The following NPHS2 variants were observed in gnomAD, a reference collection of about 807,000 sequenced individuals.
NPHS2 encodes the protein NPHS2 stomatin family member, podocin.
In NPHS2, 36 loss-of-function variants were observed where a neutral mutation model predicts 37.1. That is an observed-to-expected ratio of 0.97 (90% confidence interval 0.74 to 1.28). NPHS2 has a LOEUF of 1.28. Ranked by LOEUF, NPHS2 falls within the 50% of genes most tolerant of loss-of-function variation. The pLI is 0.00. For synonymous variants in NPHS2, 196 were observed against 189.3 expected (o/e 1.04, Z -0.29); for missense variants, 447 against 488.1 (o/e 0.92, Z 0.79).
At chr1:179,557,354 C>T in intron 4 of NPHS2, 124 bp from the exon 5 acceptor site, 1 of 754,080 alleles carries the variant, frequency 1.3e-6, no homozygotes, top group Non-Finnish European at 2.3e-6. Context: ...TTGGCCTACC[C>T]TTTATTTAAA....
intron 5 of NPHS2, among the ~76,000 whole-genome samples, chr1:179,555,401 G>A (rs1189531334): frequency 2.0e-5 from 3 of 151,906 alleles, no homozygotes; most frequent in African/African-American, 7.2e-5. Flanking sequence ...CTTGATTGAA[G>A]TTGGAAACAG....
rs766715939 is a variant in NPHS2 at position 179,551,251 on chromosome 1, C to CTGA, written c.1071_1073dup (p.Thr357_Gln358insHis). On this transcript the variant is annotated inframe_insertion, in exon 8 of 8. Coordinates refer to ENST00000367615, the MANE Select transcript of NPHS2 (RefSeq NM_014625.4). ...AAGGACTTGGGAAGGGGAGGCTTCC[C>CTGA]TGAGTTCTGTTGCTGGGAGAAGACA... is the stretch of plus-strand genomic sequence containing the variant. The CTGA allele has an allele frequency of 1.1e-5, 17 of 1,613,946 alleles. No homozygotes were observed. The highest frequency in any genetic ancestry group is 1.4e-5 in the Non-Finnish European group (16 of 1,180,006).
chr1:179,570,015 T>C (rs531171795), intron 1 of NPHS2, among the ~76,000 whole-genome samples: 11 of 152,320 alleles, frequency 7.2e-5, no homozygotes, highest in Admixed American at 5.9e-4. Flanking sequence ...CTGACAATTA[T>C]GTGTCTTGGG....
At chr1:179,560,882 A>G (rs71630231) in intron 3 of NPHS2, among the ~76,000 whole-genome samples, 106,496 of 151,836 alleles carry the variant, frequency 0.7, 37,504 homozygotes, top group Non-Finnish European at 0.72. Context: ...CTGAAGAGCA[A>G]CTTGTTATTT....
At position 179,552,386 on chromosome 1, in the gene NPHS2, T is replaced by G. The variant is rs1673416952; in HGVS notation, c.873+217A>C. The G allele has an allele frequency of 5.0e-6, 3 of 602,652 alleles. 1 individual carries two copies. In the South Asian group the frequency reaches 5.6e-5, roughly 11 times the overall value. The allele number at this position is 602,652 out of a possible 1,614,324, so 37.3% of individuals were successfully genotyped here. On this transcript the variant is annotated intron_variant, in intron 7 of 7. Transcript: ENST00000367615. ...GGGAAGGTGAGACTCAAGCAGTGAG[T>G]GGTCACTATTATCAGTAGCTTCAGA...
chr1:179,569,506 C>G (rs1383753421), intron 1 of NPHS2, among the ~76,000 whole-genome samples: 1 of 152,150 alleles, frequency 6.6e-6, no homozygotes, highest in Non-Finnish European at 1.5e-5. Context: ...ATTTGCCAGT[C>G]TGTGTCTTTT....
chr1:179,573,475 T>C (rs993633857), intron 1 of NPHS2, among the ~76,000 whole-genome samples: 6 of 152,232 alleles, frequency 3.9e-5, no homozygotes, highest in Non-Finnish European at 8.8e-5. Flanking sequence ...TCGCAAAGCA[T>C]TCTTAGCTTT....
intron 4 of NPHS2, among the ~76,000 whole-genome samples, chr1:179,558,764 A>T (rs975705873): frequency 1.3e-5 from 2 of 152,168 alleles, no homozygotes; most frequent in Admixed American, 6.5e-5. Flanking sequence ...CCAGGTTTTT[A>T]AAAAAACAGT....
chr1:179,564,779 C>G lies in NPHS2; in HGVS notation c.289G>C (p.Gly97Arg). The G allele has an allele frequency of 3.1e-6, 5 of 1,613,828 alleles. No homozygotes were observed. The highest frequency in any genetic ancestry group is 4.2e-6 in the Non-Finnish European group (5 of 1,179,826). The change falls in exon 2 of 8, where the codon GGC (glycine) becomes CGC (arginine). Residue 97 changes from glycine (G) to arginine (R), a missense_variant. Physicochemically the swap from Gly to Arg is moderately radical, Grantham distance 125. Transcript: ENST00000367615. ...AGAAGCCACTCACAGGCCCCTAAGC[C>G]GGAGGATTTGGTACCTTAAAAAAAT... ...ERPEEGTKSS[G>R]LGACEWLLVL...
intron 1 of NPHS2, among the ~76,000 whole-genome samples, chr1:179,574,900 C>T (rs1425911315): frequency 6.6e-6 from 1 of 152,166 alleles, no homozygotes; most frequent in Non-Finnish European, 1.5e-5. Flanking sequence ...TCTAATTTTC[C>T]TCTCTCTTAG....
In NPHS2 at chr1:179,551,165, C is replaced by A; in HGVS notation, c.*8G>T. 1 of 1,613,808 alleles carries A rather than the reference C, an allele frequency of 6.2e-7. No individual in the cohort carries two copies. The highest frequency in any genetic ancestry group is 8.5e-7 in the Non-Finnish European group (1 of 1,179,994). The stretch of plus-strand genomic sequence containing the variant: ...GCCCCTTTACAGTCACATTATGCCC[C>A]ATCCTTCCTATAACATGGGAGAGTC... On this transcript the variant is annotated 3_prime_UTR_variant, in exon 8 of 8. Transcript: ENST00000367615.
At chr1:179,571,227 G>A (rs1041239489) in intron 1 of NPHS2, among the ~76,000 whole-genome samples, 1 of 152,120 alleles carries the variant, frequency 6.6e-6, no homozygotes, top group African/African-American at 2.4e-5. Context: ...TTTAATGTTG[G>A]TGACCTACAG....
intron 1 of NPHS2, 27 bp from the exon 2 acceptor site, chr1:179,564,820 A>C: frequency 6.4e-7 from 1 of 1,560,476 alleles, no homozygotes; most frequent in Non-Finnish European, 8.8e-7. Context: ...CAAAAGAATA[A>C]TTATATTGAA....
chr1:179,551,579 A>G, intron 7 of NPHS2, 128 bp from the exon 8 acceptor site: 1 of 1,058,266 alleles, frequency 9.4e-7, no homozygotes, highest in South Asian at 1.4e-5. Flanking sequence ...AGCATAGAAC[A>G]TGTTTATTCT....
rs1410402217 is a variant in NPHS2 at position 179,559,778 on chromosome 1, G to A, written c.452-17C>T. On this transcript the variant is annotated splice_polypyrimidine_tract_variant and intron_variant, in intron 3 of 7. Coordinates refer to ENST00000367615, the MANE Select transcript of NPHS2 (RefSeq NM_014625.4). ...AGAAAAGACCTAAAAGAGAGGAGGA[G>A]GAAGTGACAGATAAATAGCTAGCAT... The A allele has an allele frequency of 3.7e-5, 56 of 1,528,826 alleles. 2 individuals are homozygous for A. The highest frequency in any genetic ancestry group is 4.5e-5 in the Non-Finnish European group (50 of 1,119,860). The allele number at this position is 1,528,826 out of a possible 1,614,324, so 94.7% of individuals were successfully genotyped here. A position where few individuals can be genotyped will look rare whatever the true frequency, so the allele number is the denominator to read the frequency against.
intron 1 of NPHS2, among the ~76,000 whole-genome samples, chr1:179,571,223 GT>G (rs1674538560): frequency 6.6e-6 from 1 of 152,198 alleles, no homozygotes; most frequent in Non-Finnish European, 1.5e-5. Context: ...GGTCTTTAAT[GT>G]TGGTGACCTA....
Position 179,550,966 on chromosome 1 carries a change from T to C in NPHS2, c.*207A>G. The C allele has an allele frequency of 1.6e-6, 1 of 629,960 alleles. No homozygotes were observed. The highest frequency in any genetic ancestry group is 2.8e-6 in the Non-Finnish European group (1 of 359,792). The allele number at this position is 629,960 out of a possible 1,614,324, so 39.0% of individuals were successfully genotyped here. On this transcript the variant is annotated 3_prime_UTR_variant, in exon 8 of 8. Coordinates refer to ENST00000367615, the MANE Select transcript of NPHS2 (RefSeq NM_014625.4). Reference sequence around the variant, plus strand: ...GTTTCCCATAATTGCTCTGACTAGATGAGTCACGGAAACATGTTGTCTGCC... The same window carrying C: ...GTTTCCCATAATTGCTCTGACTAGACGAGTCACGGAAACATGTTGTCTGCC...
At chr1:179,558,429 C>T (rs983207856) in intron 4 of NPHS2, among the ~76,000 whole-genome samples, 8 of 151,944 alleles carry the variant, frequency 5.3e-5, no homozygotes, top group East Asian at 1.9e-4. Context: ...TTTTTAAGGC[C>T]GAATAATGTT....
At position 179,559,731 on chromosome 1, in the gene NPHS2, G is replaced by T. The variant is rs765005963; in HGVS notation, c.482C>A (p.Thr161Asn). 2 of 1,591,372 alleles carry T rather than the reference G, an allele frequency of 1.3e-6. No individual in the cohort carries two copies. Among genetic ancestry groups the T allele is most frequent in the East Asian group, 4.5e-5 (2 of 44,188 alleles). Residue 161 changes from threonine to asparagine, a missense_variant, in exon 4 of 8, where the codon ACC (threonine) becomes AAC (asparagine). Thr to Asn is a moderately conservative substitution (Grantham distance 65, BLOSUM62 0). Coordinates refer to ENST00000367615, the MANE Select transcript of NPHS2 (RefSeq NM_014625.4). ...GLFFFLPCLDTYHKVDLRLQT... is the reference protein window; with the variant it reads ...GLFFFLPCLDNYHKVDLRLQT... ...GAGACGAAGGTCAACCTTGTGGTAG[G>T]TATCCAGGCAGGGCAAAAAAAAGAA...
Sources: gnomAD v4.1 joint callset for allele counts (sites outside exome capture counted in the v4.1 genomes callset) on GRCh38, gnomAD v4.1.1 for gene constraint, MANE v1.5 for transcripts, NCBI Gene and HGNC (gene_info 2026-07-23, HGNC 2026-07-21) for gene names.